Variants in TMEM232 observed in about 807,000 individuals in gnomAD.
TMEM232 encodes transmembrane protein 232.
In TMEM232, 80 loss-of-function variants were observed where a neutral mutation model predicts 78.8. That is an observed-to-expected ratio of 1.01 (90% confidence interval 0.85 to 1.22). The LOEUF (loss-of-function observed/expected upper bound fraction) is 1.22. Ranked by LOEUF, TMEM232 falls within the 50% of genes most tolerant of loss-of-function variation. The probability of loss-of-function intolerance (pLI) is 0.00; values close to 1 mark genes in which losing one functional copy is unlikely to be tolerated. For synonymous variants in TMEM232, 297 were observed against 254.3 expected (o/e 1.17, Z -1.60); for missense variants, 881 against 742.2 (o/e 1.19, Z -2.17).
chr5:110,627,489 CA>C (rs1482090407), intron 6 of TMEM232, among the ~76,000 whole-genome samples: 1 of 151,666 alleles, frequency 6.6e-6, no homozygotes, highest in East Asian at 1.9e-4. Flanking sequence ...ATCTATTTCA[CA>C]ACATGATAAC....
At chr5:110,538,610 A>T (rs1419749647) in intron 11 of TMEM232, among the ~76,000 whole-genome samples, 1 of 152,166 alleles carries the variant, frequency 6.6e-6, no homozygotes, top group Admixed American at 6.5e-5. Context: ...CCAGTTACAA[A>T]CCCTGTCACT....
intron 10 of TMEM232, among the ~76,000 whole-genome samples, chr5:110,584,046 G>T (rs563182856): frequency 2.7e-5 from 4 of 150,732 alleles, no homozygotes; most frequent in Admixed American, 1.3e-4. Context: ...GTACACTACT[G>T]GTAGGAATGC....
At chr5:110,553,566 ACT>A (rs1195736858) in intron 11 of TMEM232, among the ~76,000 whole-genome samples, 1 of 152,062 alleles carries the variant, frequency 6.6e-6, no homozygotes, top group Non-Finnish European at 1.5e-5. Context: ...ATTTTTGTAC[ACT>A]GATTTTGTAT....
At position 110,640,928 on chromosome 5, in the gene TMEM232, T is replaced by G; in HGVS notation, c.306A>C (p.Val102=). 6.5e-7 allele frequency: 1 copy of G among 1,541,256 alleles called. No individual in the cohort carries two copies. The highest frequency in any genetic ancestry group is 8.8e-7 in the Non-Finnish European group (1 of 1,141,628). The part of the protein sequence containing the change: ...HVHLPAAWTE[V]IYLAQCKGEI... ...CCCCTTTGCATTGAGCCAGATATAT[T>G]ACTTCAGTCCATGCAGCAGGAAGAT... Residue 102 remains valine, a synonymous_variant, in exon 4 of 14, where the codon GTA becomes GTC. Transcript: ENST00000455884.
chr5:110,447,989 A>G (rs1337673807), intron 12 of TMEM232, among the ~76,000 whole-genome samples: 2 of 152,114 alleles, frequency 1.3e-5, no homozygotes, highest in Non-Finnish European at 2.9e-5. Flanking sequence ...GATACCACAG[A>G]AAACTTATAG....
chr5:110,459,240 A>G (rs888364752), intron 12 of TMEM232, among the ~76,000 whole-genome samples: 1 of 152,190 alleles, frequency 6.6e-6, no homozygotes, highest in Non-Finnish European at 1.5e-5. Flanking sequence ...TCCTGATGGT[A>G]GGCAAGGTAA....
At chr5:110,505,201 C>T (rs1261268568) in intron 12 of TMEM232, among the ~76,000 whole-genome samples, 2 of 152,102 alleles carry the variant, frequency 1.3e-5, no homozygotes, top group African/African-American at 4.8e-5. Context: ...AATCTTAATT[C>T]CTCAAATACA....
intron 11 of TMEM232, among the ~76,000 whole-genome samples, chr5:110,560,671 A>T (rs1167336548): frequency 6.6e-6 from 1 of 152,200 alleles, no homozygotes; most frequent in Non-Finnish European, 1.5e-5. Context: ...TTAAATGGTG[A>T]ATAAAAAGTG....
chr5:110,515,503 T>A (rs1483541602), intron 12 of TMEM232, among the ~76,000 whole-genome samples: 1 of 152,178 alleles, frequency 6.6e-6, no homozygotes, highest in Admixed American at 6.5e-5. Flanking sequence ...TTTACACTCT[T>A]ATAAGAAGGT....
At chr5:110,660,237 A>G (rs1789604731) in intron 2 of TMEM232, among the ~76,000 whole-genome samples, 1 of 152,138 alleles carries the variant, frequency 6.6e-6, no homozygotes, top group African/African-American at 2.4e-5. Flanking sequence ...TAACTTCTCA[A>G]CAGCAATAAT....
At chr5:110,566,938 G>A (rs897519528) in intron 11 of TMEM232, among the ~76,000 whole-genome samples, 8 of 151,918 alleles carry the variant, frequency 5.3e-5, no homozygotes, top group Admixed American at 5.3e-4. Context: ...CATGGCTAGA[G>A]AGGCCACAAA....
chr5:110,628,003 A>G, intron 5 of TMEM232, 123 bp from the exon 6 acceptor site: 1 of 717,330 alleles, frequency 1.4e-6, no homozygotes, highest in South Asian at 1.8e-5. Context: ...AAACTCACTC[A>G]ATATTATGTG....
chr5:110,718,719 C>T (rs141789494), intron 1 of TMEM232, among the ~76,000 whole-genome samples: 1,843 of 152,080 alleles, frequency 0.012, 47 homozygotes, highest in African/African-American at 0.042. Flanking sequence ...TTCTAACACT[C>T]CCATTACATG....
At chr5:110,502,848 C>A (rs141649915) in intron 12 of TMEM232, among the ~76,000 whole-genome samples, 1 of 152,306 alleles carries the variant, frequency 6.6e-6, no homozygotes, top group African/African-American at 2.4e-5. Context: ...AGCAGGCCTC[C>A]ACTTAAAAAT....
intron 2 of TMEM232, among the ~76,000 whole-genome samples, chr5:110,657,527 T>C (rs944835759): frequency 1.3e-5 from 2 of 152,130 alleles, no homozygotes; most frequent in African/African-American, 2.4e-5. Context: ...ATCTCACTCA[T>C]ATGTGGAATC....
intron 2 of TMEM232, among the ~76,000 whole-genome samples, chr5:110,665,858 C>T (rs892946887): frequency 2.1e-5 from 3 of 140,244 alleles, no homozygotes; most frequent in African/African-American, 8.1e-5. Flanking sequence ...AGTTCAAGAC[C>T]AGCCTGGGCA....
At chr5:110,491,463 AAAG>A (rs1286434546) in intron 12 of TMEM232, among the ~76,000 whole-genome samples, 2 of 152,050 alleles carry the variant, frequency 1.3e-5, no homozygotes, top group Admixed American at 6.6e-5. Context: ...AATCCACAGA[AAAG>A]AAAGTAGATG....
chr5:110,636,756 T>A (rs1785896888), intron 5 of TMEM232, among the ~76,000 whole-genome samples: 1 of 152,016 alleles, frequency 6.6e-6, no homozygotes. Flanking sequence ...TTAGGATAGT[T>A]GTGAGAATAA....
At chr5:110,586,243 A>AT (rs1010899538) in intron 10 of TMEM232, among the ~76,000 whole-genome samples, 2 of 151,810 alleles carry the variant, frequency 1.3e-5, no homozygotes, top group Non-Finnish European at 2.9e-5. Flanking sequence ...ATTTTCTCTC[A>AT]TTTTTTTCCT....
Sources: allele counts gnomAD v4.1 joint callset (sites outside exome capture counted in the v4.1 genomes callset), GRCh38; gene constraint gnomAD v4.1.1; transcripts MANE v1.5; gene names NCBI Gene and HGNC (gene_info 2026-07-23, HGNC 2026-07-21).